The following NKAIN2 variants were observed in gnomAD, a reference collection of about 807,000 sequenced individuals.
The protein encoded by NKAIN2 is sodium/potassium-transporting ATPase subunit beta-1-interacting protein 2.
In NKAIN2, 14 loss-of-function variants were observed where a neutral mutation model predicts 32.6. The observed-to-expected ratio is 0.43, with a 90% confidence interval of 0.28 to 0.67. The LOEUF is 0.67. NKAIN2 is among the 30% of genes least tolerant of loss of function. The pLI is 0.17. For missense variants in NKAIN2, 198 were observed against 258.3 expected, an observed-to-expected ratio of 0.77 and a Z score of 1.60; for synonymous variants, 80 against 87.2, an observed-to-expected ratio of 0.92 and a Z score of 0.46.
chr6:124,508,758 C>G (rs527640257), intron 3 of NKAIN2, among the ~76,000 whole-genome samples: 5 of 152,226 alleles, frequency 3.3e-5, no homozygotes, highest in Admixed American at 6.5e-5. Context: ...TTGGAAGAGC[C>G]GTATTCCTGC....
intron 1 of NKAIN2, among the ~76,000 whole-genome samples, chr6:124,132,690 C>T (rs937185809): frequency 1.3e-5 from 2 of 152,206 alleles, no homozygotes; most frequent in African/African-American, 4.8e-5. Flanking sequence ...ACCAAAGATT[C>T]TCACAGAATC....
At chr6:124,763,683 T>G (rs1184704704) in intron 4 of NKAIN2, among the ~76,000 whole-genome samples, 1 of 152,178 alleles carries the variant, frequency 6.6e-6, no homozygotes, top group Non-Finnish European at 1.5e-5. Flanking sequence ...AAGAGCAGAT[T>G]TTAAATGTTC....
chr6:124,241,531 G>T (rs1793093721), intron 1 of NKAIN2, among the ~76,000 whole-genome samples: 1 of 152,068 alleles, frequency 6.6e-6, no homozygotes, highest in African/African-American at 2.4e-5. Flanking sequence ...CATGCTACTG[G>T]TACCAAAACA....
At chr6:124,270,025 G>C (rs1794682777) in intron 1 of NKAIN2, among the ~76,000 whole-genome samples, 1 of 152,186 alleles carries the variant, frequency 6.6e-6, no homozygotes, top group East Asian at 1.9e-4. Context: ...AACCTCTGCT[G>C]ATGCTTTCAC....
chr6:124,128,098 G>A (rs1479863929), intron 1 of NKAIN2, among the ~76,000 whole-genome samples: 1 of 152,154 alleles, frequency 6.6e-6, no homozygotes, highest in South Asian at 2.1e-4. Context: ...CAAAGTGCTG[G>A]GATTACAGGC....
intron 1 of NKAIN2, among the ~76,000 whole-genome samples, chr6:124,133,841 A>T (rs1186878323): frequency 6.6e-6 from 1 of 151,992 alleles, no homozygotes; most frequent in Non-Finnish European, 1.5e-5. Flanking sequence ...GATCCTTACG[A>T]GGGGAAAAAA....
intron 3 of NKAIN2, among the ~76,000 whole-genome samples, chr6:124,487,160 G>A (rs1443090675): frequency 1.3e-5 from 2 of 152,072 alleles, no homozygotes; most frequent in Non-Finnish European, 2.9e-5. Context: ...TGTTCCCAGA[G>A]TTGTCTAAAT....
At chr6:124,445,013 A>G (rs1775832764) in intron 3 of NKAIN2, among the ~76,000 whole-genome samples, 1 of 152,102 alleles carries the variant, frequency 6.6e-6, no homozygotes. Context: ...ATGCAATGGA[A>G]TACATACCTC....
chr6:123,907,707 A>G (rs771903039), intron 1 of NKAIN2, among the ~76,000 whole-genome samples: 2 of 152,150 alleles, frequency 1.3e-5, no homozygotes, highest in African/African-American at 2.4e-5. Flanking sequence ...CCCCAGCCCA[A>G]TGCATGAATC....
At chr6:123,976,248 C>CATATATATAT (rs145822155) in intron 1 of NKAIN2, among the ~76,000 whole-genome samples, 4 of 101,022 alleles carry the variant, frequency 4.0e-5, no homozygotes, top group African/African-American at 1.1e-4. Context: ...ATAGCAAGAA[C>CATATATATAT]ATATATATAT....
At chr6:124,097,913 TG>T (rs1784711533) in intron 1 of NKAIN2, among the ~76,000 whole-genome samples, 1 of 152,172 alleles carries the variant, frequency 6.6e-6, no homozygotes, top group South Asian at 2.1e-4. Flanking sequence ...ACATTTACGC[TG>T]AAACCTGATA....
At chr6:124,611,081 C>G (rs1201903523) in intron 3 of NKAIN2, among the ~76,000 whole-genome samples, 2 of 152,076 alleles carry the variant, frequency 1.3e-5, no homozygotes, top group African/African-American at 2.4e-5. Flanking sequence ...AAACATTAAT[C>G]AAGCAGTTTT....
intron 1 of NKAIN2, among the ~76,000 whole-genome samples, chr6:124,136,984 C>T (rs576944318): frequency 1.3e-5 from 2 of 152,102 alleles, no homozygotes; most frequent in South Asian, 4.1e-4. Flanking sequence ...CACTTCTATT[C>T]AACATAGTAC....
intron 1 of NKAIN2, among the ~76,000 whole-genome samples, chr6:124,159,424 A>G (rs1330638057): frequency 6.6e-6 from 1 of 152,142 alleles, no homozygotes. Flanking sequence ...TTTGTCTGTT[A>G]TTCTCAGAAA....
At chr6:123,887,882 T>C (rs966624862) in intron 1 of NKAIN2, among the ~76,000 whole-genome samples, 25 of 152,122 alleles carry the variant, frequency 1.6e-4, no homozygotes, top group Admixed American at 9.8e-4. Flanking sequence ...CCTCATTTTC[T>C]TGGTTCACAT....
At chr6:124,262,751 G>T (rs959884002) in intron 1 of NKAIN2, among the ~76,000 whole-genome samples, 5 of 152,094 alleles carry the variant, frequency 3.3e-5, no homozygotes, top group African/African-American at 9.7e-5. Context: ...ATGGAGGGTA[G>T]ATTAGAAAAG....
At chr6:123,835,587 CTA>C (rs1174913202) in intron 1 of NKAIN2, among the ~76,000 whole-genome samples, 4 of 152,072 alleles carry the variant, frequency 2.6e-5, no homozygotes, top group Admixed American at 1.3e-4. Flanking sequence ...AAGAGACTCT[CTA>C]TGTGCAGACA....
chr6:124,253,584 A>C (rs1485625301), intron 1 of NKAIN2, among the ~76,000 whole-genome samples: 1 of 152,174 alleles, frequency 6.6e-6, no homozygotes, highest in Non-Finnish European at 1.5e-5. Flanking sequence ...GTGGTGACAT[A>C]TGTGTGTGTA....
intron 1 of NKAIN2, among the ~76,000 whole-genome samples, chr6:124,091,652 C>T (rs1406198049): frequency 6.6e-6 from 1 of 151,734 alleles, no homozygotes; most frequent in East Asian, 1.9e-4. Flanking sequence ...AGCACCTGGT[C>T]AAAGCATTAT....
Sources: allele counts gnomAD v4.1 joint callset (sites outside exome capture counted in the v4.1 genomes callset), GRCh38; gene constraint gnomAD v4.1.1; transcripts MANE v1.5; gene names NCBI Gene and HGNC (gene_info 2026-07-23, HGNC 2026-07-21).